The following UBE4B variants were observed in gnomAD, a reference collection of about 807,000 sequenced individuals.
The protein encoded by UBE4B is ubiquitin conjugation factor E4 B.
Under a neutral mutation model 148.1 loss-of-function variants are expected in UBE4B, and 27 were observed. That is an observed-to-expected ratio of 0.18 (90% CI 0.13 to 0.25). The LOEUF is 0.25. Among genes scored for constraint, UBE4B ranks in the 10% least tolerant of loss-of-function variants. UBE4B has a pLI of 1.00. For missense variants in UBE4B, 1,170 were observed against 1,662.4 expected (o/e 0.70, Z 5.15); for synonymous variants, 596 against 619.3 (o/e 0.96, Z 0.56).
chr1:10,127,941 T>TG (rs1324482736), intron 11 of UBE4B, among the ~76,000 whole-genome samples: 2 of 152,234 alleles, frequency 1.3e-5, no homozygotes, highest in Non-Finnish European at 1.5e-5. Flanking sequence ...ACAAGAATGC[T>TG]GGGAAATTAG....
At chr1:10,110,595 G>A (rs778594873) in intron 7 of UBE4B, among the ~76,000 whole-genome samples, 3 of 152,122 alleles carry the variant, frequency 2.0e-5, no homozygotes, top group Non-Finnish European at 2.9e-5. Context: ...TACCGCAGAA[G>A]TTATCCGGAG....
rs1645122434 is a variant in UBE4B, at chr1:10,106,931, T to C, written c.1196+348T>C. ...GAGCAAATCTGGGCCTGGTGTTTTT[T>C]ACTTCTGGTGAGTGGGGTGGGTCGG... On this transcript the variant is annotated intron_variant, in intron 7 of 27. Coordinates refer to ENST00000343090, the MANE Select transcript of UBE4B (RefSeq NM_001105562.3). This position sits in a 1 kb window ranked among gnomAD's most constrained non-coding sequence, Gnocchi z 4.2. Among the ~76,000 whole-genome samples, 2 of 152,188 alleles carry C rather than the reference T, an allele frequency of 1.3e-5. No individual in the cohort carries two copies. Among genetic ancestry groups the C allele is most frequent in the African/African-American group, 4.8e-5 (2 of 41,446 alleles).
chr1:10,124,854 G>C (rs1645465982), intron 10 of UBE4B, among the ~76,000 whole-genome samples: 1 of 152,188 alleles, frequency 6.6e-6, no homozygotes, highest in African/African-American at 2.4e-5. Context: ...GGCCAGGCAT[G>C]GTGGCTCACG....
chr1:10,175,461 C>G (rs185219732), intron 25 of UBE4B, among the ~76,000 whole-genome samples: 3 of 150,900 alleles, frequency 2.0e-5, no homozygotes, highest in Admixed American at 6.6e-5. Flanking sequence ...ACCGTCCTGG[C>G]TAACACGGTG....
At chr1:10,078,729 G>A (rs1334848610) in intron 2 of UBE4B, among the ~76,000 whole-genome samples, 2 of 152,160 alleles carry the variant, frequency 1.3e-5, no homozygotes, top group Non-Finnish European at 2.9e-5. Flanking sequence ...TCCCCCAACA[G>A]ATCCTTTATC....
intron 2 of UBE4B, among the ~76,000 whole-genome samples, chr1:10,095,115 G>A (rs1408001322): frequency 6.6e-6 from 1 of 152,072 alleles, no homozygotes; most frequent in Admixed American, 6.6e-5. Context: ...CGCATTTCAA[G>A]GATTTTTCTG....
Position 10,095,534 on chromosome 1 carries a change from G to T in UBE4B, c.285G>T (p.Thr95=), listed in dbSNP as rs768337112. Residue 95 remains threonine, a synonymous_variant, in exon 3 of 28, where the codon ACG becomes ACT. Transcript: ENST00000343090. Reference sequence around the variant, plus strand: ...GCTCGCCCTCTAATAGCCTTGAAACGCAATCTCAGTCTCTCTCACGTTCCC... The same window carrying T: ...GCTCGCCCTCTAATAGCCTTGAAACTCAATCTCAGTCTCTCTCACGTTCCC... ...LSSSPSNSLE[T]QSQSLSRSQS... 13 of 1,614,084 alleles carry T rather than the reference G, an allele frequency of 8.1e-6. No individual in the cohort carries two copies. In the Middle Eastern group the frequency reaches 1.5e-3, roughly 184 times the overall value.
intron 22 of UBE4B, among the ~76,000 whole-genome samples, chr1:10,159,144 C>T (rs6659436): frequency 0.1 from 15,775 of 151,910 alleles, 1,499 homozygotes; most frequent in African/African-American, 0.25. Flanking sequence ...ATCTTAGTTC[C>T]TGAATGTTGG....
At chr1:10,073,350 A>T (rs1457973182) in intron 2 of UBE4B, among the ~76,000 whole-genome samples, 5 of 152,224 alleles carry the variant, frequency 3.3e-5, no homozygotes, top group Non-Finnish European at 7.3e-5. Context: ...CCCCACCTAC[A>T]CTGGAATAAG....
At chr1:10,170,731 G>A (rs1457216385) in intron 24 of UBE4B, among the ~76,000 whole-genome samples, 1 of 152,160 alleles carries the variant, frequency 6.6e-6, no homozygotes, top group Non-Finnish European at 1.5e-5. Context: ...GGGGAAAAAA[G>A]TTTATGAAAT....
At chr1:10,171,448 G>C (rs553855689) in intron 25 of UBE4B, 119 bp downstream of exon 25, 1 of 1,282,278 alleles carries the variant, frequency 7.8e-7, no homozygotes, top group Admixed American at 2.3e-5. Flanking sequence ...TCCTTTGAGT[G>C]TGAAGAGCAG....
At chr1:10,175,632 C>T (rs1311960241) in intron 25 of UBE4B, among the ~76,000 whole-genome samples, 16 of 151,842 alleles carry the variant, frequency 1.1e-4, no homozygotes, top group Non-Finnish European at 1.9e-4. Flanking sequence ...GCCTGGGCGA[C>T]AGAGCGAGAC....
rs900043923 is a variant in UBE4B, at chr1:10,121,119, C to G, written c.1440-843C>G. Among the ~76,000 whole-genome samples the G allele has an allele frequency of 7.9e-5, 12 of 151,974 alleles. No individual in the cohort carries two copies. The East Asian group carries it at 2.1e-3, about 27-fold the overall frequency. ...GTGGCTTACATCTGTAATCCCAGCA[C>G]TTTGGGAGGCCAAGGCAGGTGGATC... On this transcript the variant is annotated intron_variant, in intron 9 of 27. Transcript: ENST00000343090.
Position 10,132,417 on chromosome 1 carries a change from C to T in UBE4B, c.1960C>T (p.Arg654Cys), listed in dbSNP as rs1557582877. Residue 654 changes from arginine to cysteine, a missense_variant, in exon 15 of 28, where the codon CGT becomes TGT. Around this residue, in one of 6 missense-constraint regions of UBE4B, gnomAD observed 388 missense variants for 536.0 expected, o/e 0.72. Coordinates refer to ENST00000343090, the MANE Select transcript of UBE4B (RefSeq NM_001105562.3). ...TAGTATTTTGTTAAATGGCGAAACC[C>T]GTGAGGCTGCTCTCAGTTACATGGC... ...LHSILLNGET[R>C]EAALSYMAAV... 3 of 1,614,116 alleles carry T rather than the reference C, an allele frequency of 1.9e-6. No homozygotes were observed. The highest frequency in any genetic ancestry group is 1.7e-6 in the Non-Finnish European group (2 of 1,180,002).
Position 10,104,886 on chromosome 1 carries a change from A to G in UBE4B, c.581-630A>G, listed in dbSNP as rs192783703. Reference sequence around the variant, plus strand: ...AATAACCAAATCAGATAAAATTTCCATGAGTTAAAACTTTTGTTTAGTGGT... The same window carrying G: ...AATAACCAAATCAGATAAAATTTCCGTGAGTTAAAACTTTTGTTTAGTGGT... On this transcript the variant is annotated intron_variant, in intron 5 of 27. Coordinates refer to ENST00000343090, the MANE Select transcript of UBE4B (RefSeq NM_001105562.3). Among the ~76,000 whole-genome samples the G allele has an allele frequency of 3.0e-3, 456 of 152,362 alleles. 2 individuals carry two copies. The highest frequency in any genetic ancestry group is 0.01 in the African/African-American group (435 of 41,592).
chr1:10,179,985 C>G lies in UBE4B; in HGVS notation c.*29C>G, dbSNP rs1557624027. On this transcript the variant is annotated 3_prime_UTR_variant, in exon 28 of 28. Coordinates refer to ENST00000343090, the MANE Select transcript of UBE4B (RefSeq NM_001105562.3). ...GTTCCGCCGCCCACCCTCTGCTAGA[C>G]ACAGCCAAGGCCAACGAGGCAAGCA... 1 of 1,613,770 alleles carries G rather than the reference C, an allele frequency of 6.2e-7. No individual in the cohort carries two copies. Among genetic ancestry groups the G allele is most frequent in the Non-Finnish European group, 8.5e-7 (1 of 1,179,936 alleles).
At chr1:10,156,274 C>G (rs1646070549) in intron 21 of UBE4B, among the ~76,000 whole-genome samples, 1 of 137,512 alleles carries the variant, frequency 7.3e-6, no homozygotes, top group Admixed American at 7.8e-5. Flanking sequence ...GGGTCTTGCT[C>G]TGTCACCCAC....
chr1:10,059,359 C>A, intron 1 of UBE4B: 1 of 186,332 alleles, frequency 5.4e-6, no homozygotes, highest in South Asian at 1.1e-4. Flanking sequence ...CTGTAAGAGT[C>A]TGAAGGACAC....
At chr1:10,137,580 G>A (rs780459195) in intron 17 of UBE4B, among the ~76,000 whole-genome samples, 30 of 152,148 alleles carry the variant, frequency 2.0e-4, no homozygotes, top group Non-Finnish European at 2.4e-4. Context: ...AGTAACCATG[G>A]TTTCCCTTGA....
Sources: gnomAD v4.1 joint callset for allele counts (sites outside exome capture counted in the v4.1 genomes callset) on GRCh38, gnomAD v4.1.1 for gene constraint, gnomAD v4.1.1 regional missense constraint, Gnocchi (gnomAD v3.1) non-coding constraint, MANE v1.5 for transcripts, NCBI Gene and HGNC (gene_info 2026-07-23, HGNC 2026-07-21) for gene names.